The following PCDH9 variants were observed in gnomAD, a reference collection of about 807,000 sequenced individuals.
PCDH9 encodes the protein protocadherin-9.
A neutral mutation model predicts 70.6 loss-of-function variants in PCDH9; 24 were observed. The ratio of observed to expected loss-of-function variants is 0.34; its 90% CI spans 0.25 to 0.48. The LOEUF is 0.48. Ranked by LOEUF, PCDH9 falls within the 20% of genes least tolerant of loss-of-function variation. The pLI, the probability that PCDH9 is intolerant of heterozygous loss-of-function variation, is 0.99. For synonymous variants in PCDH9, 562 were observed against 558.5 expected (o/e 1.01, Z -0.09); for missense variants, 1,281 against 1,503.6 (o/e 0.85, Z 2.45).
At chr13:66,576,077 A>T (rs2076811133) in intron 4 of PCDH9, among the ~76,000 whole-genome samples, 1 of 151,952 alleles carries the variant, frequency 6.6e-6, no homozygotes, top group Non-Finnish European at 1.5e-5. Context: ...GATAAAAAAA[A>T]AAAAAAGGAA....
chr13:67,075,676 C>T (rs577832598), intron 2 of PCDH9, among the ~76,000 whole-genome samples: 5 of 152,200 alleles, frequency 3.3e-5, no homozygotes. Flanking sequence ...TAACCGAATA[C>T]ATTCTCCACT....
intron 3 of PCDH9, chr13:66,782,832 T>C (rs1347043742): frequency 6.6e-6 from 1 of 152,170 alleles, no homozygotes; most frequent in East Asian, 1.9e-4. Flanking sequence ...TTCAGTCAGA[T>C]AAATAAGCTT....
At chr13:67,073,285 C>T (rs2085804973) in intron 2 of PCDH9, among the ~76,000 whole-genome samples, 1 of 151,986 alleles carries the variant, frequency 6.6e-6, no homozygotes. Flanking sequence ...AAAATTGTCC[C>T]AAGAAGTGTT....
intron 3 of PCDH9, among the ~76,000 whole-genome samples, chr13:66,752,361 A>G (rs2079473510): frequency 6.6e-6 from 1 of 152,206 alleles, no homozygotes. Context: ...CAACGGTGCA[A>G]TCTTGGCTCG....
At position 66,500,684 on chromosome 13, in the gene PCDH9, AAAG is replaced by A. The variant is rs1959172528; in HGVS notation, c.3340+130523_3340+130525del. Among the ~76,000 whole-genome samples, 2 of 152,094 alleles carry A rather than the reference AAAG, an allele frequency of 1.3e-5. 1 individual carries two copies. Among genetic ancestry groups the A allele is most frequent in the South Asian group, 4.1e-4 (2 of 4,830 alleles). On this transcript the variant is annotated intron_variant, in intron 4 of 4. Coordinates refer to ENST00000377865, the MANE Select transcript of PCDH9 (RefSeq NM_203487.3). The stretch of plus-strand genomic sequence containing the variant: ...TTAACCTATTTTATTATCAGTTTCC[AAAG>A]AAGGATTAATTCACTTACAAGAAAG...
At position 66,326,715 on chromosome 13, in the gene PCDH9, C is replaced by G. The variant is rs139436113; in HGVS notation, c.3341-21687G>C. On this transcript the variant is annotated intron_variant, in intron 4 of 4. Transcript: ENST00000377865. ...ACAGGTGTGAGCCACCGCTCCTAGT[C>G]GCATAATGCATTTTAATTCATGATA... 3.9e-5 allele frequency among the ~76,000 whole-genome samples: 6 copies of G among 152,078 alleles called. No homozygotes were observed. In the South Asian group the frequency reaches 1.0e-3, roughly 26 times the overall value.
chr13:66,910,952 T>C (rs1475982068), intron 2 of PCDH9, among the ~76,000 whole-genome samples: 3 of 152,268 alleles, frequency 2.0e-5, no homozygotes, highest in Admixed American at 2.0e-4. Flanking sequence ...TAAGAAACTT[T>C]TGACAAATGC....
At position 67,093,128 on chromosome 13, in the gene PCDH9, A is replaced by G. The variant is rs558992748; in HGVS notation, c.3036+132277T>C. Reference sequence around the variant, plus strand: ...AAAGGAAGTTTAATTATATTAGTTAATAAAAAATAAAATTTGATTAGTTTG... The same window carrying G: ...AAAGGAAGTTTAATTATATTAGTTAGTAAAAAATAAAATTTGATTAGTTTG... On this transcript the variant is annotated intron_variant, in intron 2 of 4. Coordinates refer to ENST00000377865, the MANE Select transcript of PCDH9 (RefSeq NM_203487.3). Among the ~76,000 whole-genome samples, 22 of 152,324 alleles carry G rather than the reference A, an allele frequency of 1.4e-4. 1 individual carries two copies. The Middle Eastern group carries it at 0.02, about 141-fold the overall frequency.
chr13:67,149,824 T>A (rs2087612625), intron 2 of PCDH9, among the ~76,000 whole-genome samples: 1 of 152,152 alleles, frequency 6.6e-6, no homozygotes, highest in Admixed American at 6.5e-5. Context: ...AACACTTTCA[T>A]GCAAATTAGC....
chr13:67,076,652 A>T (rs994718460), intron 2 of PCDH9, among the ~76,000 whole-genome samples: 11 of 152,178 alleles, frequency 7.2e-5, no homozygotes, highest in African/African-American at 2.4e-4. Flanking sequence ...CATTTTCCAC[A>T]AATGAATCAG....
At chr13:66,848,498 G>A (rs1333678221) in intron 3 of PCDH9, among the ~76,000 whole-genome samples, 1 of 152,056 alleles carries the variant, frequency 6.6e-6, no homozygotes, top group Non-Finnish European at 1.5e-5. Flanking sequence ...GGTTTAATGT[G>A]GGAGTATTAA....
At chr13:66,613,513 C>A (rs911465850) in intron 4 of PCDH9, among the ~76,000 whole-genome samples, 1 of 152,186 alleles carries the variant, frequency 6.6e-6, no homozygotes, top group South Asian at 2.1e-4. Flanking sequence ...TGAGCTGTGG[C>A]CAATCTGGTG....
chr13:66,443,689 A>G (rs1270798011), intron 4 of PCDH9, among the ~76,000 whole-genome samples: 1 of 152,042 alleles, frequency 6.6e-6, no homozygotes, highest in African/African-American at 2.4e-5. Flanking sequence ...GTTCTTGGTA[A>G]CATTTATGAT....
chr13:67,104,402 G>T (rs142874971), intron 2 of PCDH9, among the ~76,000 whole-genome samples: 1 of 152,022 alleles, frequency 6.6e-6, no homozygotes, highest in Non-Finnish European at 1.5e-5. Flanking sequence ...GACATTCCCC[G>T]CCCACCCAAG....
chr13:66,819,325 GA>G (rs34857677), intron 3 of PCDH9, among the ~76,000 whole-genome samples: 4,856 of 147,914 alleles, frequency 0.033, 266 homozygotes, highest in African/African-American at 0.11. Flanking sequence ...TTGATGAGGA[GA>G]AAAAAAAAAA....
At chr13:67,031,477 G>A (rs537075756) in intron 2 of PCDH9, among the ~76,000 whole-genome samples, 2 of 152,218 alleles carry the variant, frequency 1.3e-5, no homozygotes, top group African/African-American at 4.8e-5. Flanking sequence ...GACAGAAGCA[G>A]GCGGGTCACT....
chr13:67,078,542 CT>C (rs1371685695), intron 2 of PCDH9, among the ~76,000 whole-genome samples: 3 of 152,120 alleles, frequency 2.0e-5, no homozygotes, highest in South Asian at 2.1e-4. Context: ...CAATACCCTC[CT>C]TCTCTTTCTA....
At chr13:66,850,688 A>C (rs1305190544) in intron 3 of PCDH9, among the ~76,000 whole-genome samples, 1 of 152,198 alleles carries the variant, frequency 6.6e-6, no homozygotes, top group East Asian at 1.9e-4. Flanking sequence ...TGATGTGAAA[A>C]TATATTCCAG....
intron 2 of PCDH9, among the ~76,000 whole-genome samples, chr13:67,026,101 A>T (rs1361910427): frequency 6.6e-6 from 1 of 152,174 alleles, no homozygotes; most frequent in African/African-American, 2.4e-5. Context: ...TATTGAGATA[A>T]TCATGTGGTT....
Sources: allele counts gnomAD v4.1 joint callset (sites outside exome capture counted in the v4.1 genomes callset), GRCh38; gene constraint gnomAD v4.1.1; transcripts MANE v1.5; gene names NCBI Gene and HGNC (gene_info 2026-07-23, HGNC 2026-07-21).